The following MARVELD3 variants were observed in gnomAD, a reference collection of about 807,000 sequenced individuals.
The protein encoded by MARVELD3 is MARVEL domain containing 3.
Under a neutral mutation model 33.5 loss-of-function variants are expected in MARVELD3, and 28 were observed. The ratio of observed to expected loss-of-function variants is 0.84; its 90% CI spans 0.62 to 1.15. MARVELD3 has a LOEUF of 1.15. MARVELD3 is among the 50% of genes most tolerant of loss of function. MARVELD3 has a pLI of 0.00. For missense variants in MARVELD3, 582 were observed against 547.6 expected, an observed-to-expected ratio of 1.06 and a Z score of -0.63; for synonymous variants, 241 against 230.4, an observed-to-expected ratio of 1.05 and a Z score of -0.42.
intron 2 of MARVELD3, among the ~76,000 whole-genome samples, chr16:71,629,855 G>C (rs914418460): frequency 7.2e-5 from 11 of 152,284 alleles, no homozygotes; most frequent in Non-Finnish European, 1.5e-4. Flanking sequence ...TGAATTAACA[G>C]AGAGGGAAAG....
chr16:71,641,030 T>G, downstream of MARVELD3: 5 of 1,595,582 alleles, frequency 3.1e-6, no homozygotes, highest in Non-Finnish European at 4.3e-6. Context: ...CTCTTTGAGA[T>G]CTTCCGGAAC....
rs753771597 is a variant in MARVELD3, at chr16:71,634,701, C to T, written c.1104C>T (p.Ala368=). Reference sequence around the variant, plus strand: ...ATATAGGAGCTGGAATCTTTGCTGCCCTGGGCATTGTGGTCTTTGCCCTGG... The same window carrying T: ...ATATAGGAGCTGGAATCTTTGCTGCTCTGGGCATTGTGGTCTTTGCCCTGG... ...GADIGAGIFA[A]LGIVVFALGA... The change falls in exon 3 of 3, where the codon GCC becomes GCT. Residue 368 remains alanine (A), a synonymous_variant. Transcript: ENST00000268485. The T allele has an allele frequency of 1.2e-5, 19 of 1,614,098 alleles. No homozygotes were observed. Among genetic ancestry groups the T allele is most frequent in the Non-Finnish European group, 1.5e-5 (18 of 1,180,046 alleles).
intron 2 of MARVELD3, among the ~76,000 whole-genome samples, chr16:71,631,866 G>A (rs991730690): frequency 6.6e-6 from 1 of 152,176 alleles, no homozygotes; most frequent in Non-Finnish European, 1.5e-5. Flanking sequence ...TCGCACTTGA[G>A]AGAGCATCAT....
rs1013016644 is a variant in MARVELD3, at chr16:71,634,861, G to C, written c.*58G>C. ...GTGGTGGAAGGTAGTCTGAGCCACT[G>C]CCTTTCCCAAGAATCCCTTGTTGTG... On this transcript the variant is annotated 3_prime_UTR_variant, in exon 3 of 3. Transcript: ENST00000268485. 6.6e-6 allele frequency: 10 copies of C among 1,521,342 alleles called. No individual in the cohort carries two copies. The African/African-American group carries it at 9.8e-5, about 15-fold the overall frequency. 94.2% of individuals were successfully genotyped at this position (1,521,342 alleles called of 1,614,324 possible).
At position 71,635,625 on chromosome 16, in the gene MARVELD3, A is replaced by AG. The variant is rs2044576155; in HGVS notation, c.*822_*823insG. On this transcript the variant is annotated 3_prime_UTR_variant, in exon 3 of 3. Coordinates refer to ENST00000268485, the MANE Select transcript of MARVELD3 (RefSeq NM_052858.6). ...GTATTGCCAAAATACCAAAAAAAAA[A>AG]AAAGTTCATGGAGAGCCACATAGAC... The AG allele has an allele frequency of 1.0e-6, 1 of 985,374 alleles. No homozygotes were observed. The highest frequency in any genetic ancestry group is 1.2e-6 in the Non-Finnish European group (1 of 829,946). 61.0% of individuals were successfully genotyped at this position (985,374 alleles called of 1,614,324 possible).
At chr16:71,634,069 G>A (rs564866214) in intron 2 of MARVELD3, 124 bp from the exon 3 acceptor site, 5 of 1,462,324 alleles carry the variant, frequency 3.4e-6, no homozygotes, top group South Asian at 1.4e-5. Flanking sequence ...CTTTGGCCTC[G>A]GGTCTTCCAC....
At chr16:71,639,668 A>G (rs769015383), downstream of MARVELD3, among the ~76,000 whole-genome samples, 26 of 150,704 alleles carry the variant, frequency 1.7e-4, no homozygotes, top group Non-Finnish European at 3.7e-4. Flanking sequence ...GCTGGTCTCC[A>G]ACTCCTGACC....
At chr16:71,631,894 G>C (rs973089344) in intron 2 of MARVELD3, among the ~76,000 whole-genome samples, 2 of 152,180 alleles carry the variant, frequency 1.3e-5, no homozygotes, top group Non-Finnish European at 2.9e-5. Flanking sequence ...TTTAGACAAT[G>C]TGTAGCTGTG....
chr16:71,635,351 A>T lies in MARVELD3; in HGVS notation c.*548A>T, dbSNP rs996265505. 22 of 985,544 alleles carry T rather than the reference A, an allele frequency of 2.2e-5. No homozygotes were observed. Among genetic ancestry groups the T allele is most frequent in the Non-Finnish European group, 2.5e-5 (21 of 830,452 alleles). 61.0% of individuals were successfully genotyped at this position (985,544 alleles called of 1,614,324 possible). ...CTCAAAAAAAAAAAAAAGCAAAAAA[A>T]CTGGACCCCAAGAGCCACAAGGAAA... On this transcript the variant is annotated 3_prime_UTR_variant, in exon 3 of 3. Transcript: ENST00000268485.
chr16:71,633,197 C>T (rs1197166793), intron 2 of MARVELD3, among the ~76,000 whole-genome samples: 1 of 151,660 alleles, frequency 6.6e-6, no homozygotes, highest in African/African-American at 2.4e-5. Context: ...ACCTTTATCA[C>T]GAGAAAATAC....
In MARVELD3 at chr16:71,626,624, C is replaced by G; in HGVS notation, c.395C>G (p.Pro132Arg). 6.5e-7 allele frequency: 1 copy of G among 1,538,740 alleles called. No homozygotes were observed. The highest frequency in any genetic ancestry group is 8.7e-7 in the Non-Finnish European group (1 of 1,145,188). ...TGGGACGCAGCCGCGCCTCCTGGGC[C>G]CGCGCCCTGGGAAGCCCCGGAGCCG... ...LTWDAAAPPG[P>R]APWEAPEPPQ... Residue 132 changes from proline to arginine, a missense_variant, in exon 1 of 3, where the codon CCC becomes CGC. Coordinates refer to ENST00000268485, the MANE Select transcript of MARVELD3 (RefSeq NM_052858.6). This position sits in a 1 kb window ranked among gnomAD's most constrained non-coding sequence, Gnocchi z 5.3.
chr16:71,634,333 G>A lies in MARVELD3; in HGVS notation c.736G>A (p.Gly246Ser). ...YYYQFGGAYS[G>S]FDGADGEKAQ... ...CTATCAGTTCGGAGGGGCTTACAGT[G>A]GCTTTGATGGTGCTGACGGGGAGAA... The change falls in exon 3 of 3, where the codon GGC becomes AGC. Residue 246 changes from glycine (G) to serine (S), a missense_variant. Coordinates refer to ENST00000268485, the MANE Select transcript of MARVELD3 (RefSeq NM_052858.6). 6.2e-7 allele frequency: 1 copy of A among 1,614,198 alleles called. No individual in the cohort carries two copies. The highest frequency in any genetic ancestry group is 8.5e-7 in the Non-Finnish European group (1 of 1,180,028).
rs183261118 is a variant in MARVELD3 at position 71,636,103 on chromosome 16, G to T, written c.*1300G>T. ...TTATGGAACATTGCAATATATTCTC[G>T]GTCCTTAAGTTATGACTTATGGAAC... is the stretch of plus-strand genomic sequence containing the variant. On this transcript the variant is annotated 3_prime_UTR_variant, in exon 3 of 3. Transcript: ENST00000268485. The T allele has an allele frequency of 1.0e-6, 1 of 985,058 alleles. No individual in the cohort carries two copies. The highest frequency in any genetic ancestry group is 1.2e-6 in the Non-Finnish European group (1 of 829,816). 61.0% of individuals were successfully genotyped at this position (985,058 alleles called of 1,614,324 possible). A position where few individuals can be genotyped will look rare whatever the true frequency, so the allele number is the denominator to read the frequency against.
At position 71,626,207 on chromosome 16, in the gene MARVELD3, G is replaced by A. The variant is rs939516660; in HGVS notation, c.-23G>A. The A allele has an allele frequency of 2.3e-5, 34 of 1,449,336 alleles. No individual in the cohort carries two copies. Among genetic ancestry groups the A allele is most frequent in the Admixed American group, 2.8e-5 (1 of 35,538 alleles). The allele number at this position is 1,449,336 out of a possible 1,614,324, so 89.8% of individuals were successfully genotyped here. ...TGGTTGTTGCCCTCAGGTCGCTCCC[G>A]GGCGGGGACACGGAACCCGGCCATG... On this transcript the variant is annotated 5_prime_UTR_variant, in exon 1 of 3. Coordinates refer to ENST00000268485, the MANE Select transcript of MARVELD3 (RefSeq NM_052858.6). This position sits in a 1 kb window ranked among gnomAD's most constrained non-coding sequence, Gnocchi z 5.3.
At chr16:71,631,467 A>G (rs945884935) in intron 2 of MARVELD3, among the ~76,000 whole-genome samples, 14 of 148,316 alleles carry the variant, frequency 9.4e-5, no homozygotes, top group African/African-American at 3.5e-4. Context: ...TTTTTTTTTG[A>G]GAGTCTTGCT....
intron 2 of MARVELD3, among the ~76,000 whole-genome samples, chr16:71,630,682 A>G (rs2044524890): frequency 6.6e-6 from 1 of 151,732 alleles, no homozygotes; most frequent in Non-Finnish European, 1.5e-5. Context: ...CACACATAAT[A>G]TATTCACAAG....
chr16:71,641,181 G>A (rs2044616927), downstream of MARVELD3: 2 of 949,088 alleles, frequency 2.1e-6, no homozygotes, highest in South Asian at 1.8e-5. Flanking sequence ...GGACGGGCAT[G>A]GTGGCTCATG....
rs2044567738 is a variant in MARVELD3, at chr16:71,634,759, G to A, written c.1162G>A (p.Val388Ile). ...AVLAIKGYRKVRKLKEKPAEM... is the reference protein window; with the variant it reads ...AVLAIKGYRKIRKLKEKPAEM... ...CCTGGCCATAAAGGGCTACCGAAAA[G>A]TTAGGAAGCTAAAAGAGAAGCCAGC... Residue 388 changes from valine to isoleucine, a missense_variant, in exon 3 of 3, where the codon GTT (valine) becomes ATT (isoleucine). Coordinates refer to ENST00000268485, the MANE Select transcript of MARVELD3 (RefSeq NM_052858.6). The A allele has an allele frequency of 1.9e-6, 3 of 1,608,684 alleles. No homozygotes were observed. The Admixed American group carries it at 5.2e-5, about 28-fold the overall frequency.
In MARVELD3 at chr16:71,634,616, G is replaced by C; in HGVS notation, c.1019G>C (p.Arg340Thr). ...AAYGSPVCKE[R>T]QALYQSKGYS... Reference sequence around the variant, plus strand: ...TATGGCTCTCCTGTGTGTAAAGAGAGGCAGGCGCTGTACCAAAGCAAAGGC... The same window carrying C: ...TATGGCTCTCCTGTGTGTAAAGAGACGCAGGCGCTGTACCAAAGCAAAGGC... The change falls in exon 3 of 3, where the codon AGG (arginine) becomes ACG (threonine). Residue 340 changes from arginine to threonine, a missense_variant. Physicochemically the swap from Arg to Thr is moderately conservative, Grantham distance 71. Coordinates refer to ENST00000268485, the MANE Select transcript of MARVELD3 (RefSeq NM_052858.6). 6.2e-7 allele frequency: 1 copy of C among 1,614,204 alleles called. No homozygotes were observed. Among genetic ancestry groups the C allele is most frequent in the South Asian group, 1.1e-5 (1 of 91,078 alleles).
Sources: allele counts gnomAD v4.1 joint callset (sites outside exome capture counted in the v4.1 genomes callset), GRCh38; gene constraint gnomAD v4.1.1; non-coding constraint Gnocchi (gnomAD v3.1); transcripts MANE v1.5; gene names NCBI Gene and HGNC (gene_info 2026-07-23, HGNC 2026-07-21).